KIAA1217: variants seen among roughly 807,000 people sequenced by gnomAD.
KIAA1217 encodes sickle tail protein homolog.
Under a neutral mutation model 163.9 loss-of-function variants are expected in KIAA1217, and 88 were observed. The ratio of observed to expected loss-of-function variants is 0.54; its 90% CI spans 0.45 to 0.64. KIAA1217 has a LOEUF of 0.64. KIAA1217 is among the 30% of genes least tolerant of loss of function. The pLI is 0.00. For missense variants in KIAA1217, 2,372 were observed against 2,475.0 expected, an observed-to-expected ratio of 0.96 and a Z score of 0.88; for synonymous variants, 903 against 923.1, an observed-to-expected ratio of 0.98 and a Z score of 0.39.
intron 1 of KIAA1217, among the ~76,000 whole-genome samples, chr10:23,717,660 A>G (rs1424931552): frequency 2.0e-5 from 3 of 152,194 alleles, no homozygotes; most frequent in Non-Finnish European, 4.4e-5. Flanking sequence ...CAATAAAGAT[A>G]TATTCAATGA....
chr10:23,823,032 G>C (rs1837698918), intron 1 of KIAA1217, among the ~76,000 whole-genome samples: 1 of 152,130 alleles, frequency 6.6e-6, no homozygotes, highest in Non-Finnish European at 1.5e-5. Context: ...ATTTTTTATT[G>C]CTACAGTAAC....
At position 23,724,068 on chromosome 10, in the gene KIAA1217, C is replaced by T. The variant is rs189537453; in HGVS notation, c.-321+28834C>T. Reference sequence around the variant, plus strand: ...CACACTAAAATTACCTAAGAACTCACTCACTCCTAAGAACTCACTCACTTT... The same window carrying T: ...CACACTAAAATTACCTAAGAACTCATTCACTCCTAAGAACTCACTCACTTT... On this transcript the variant is annotated intron_variant, in intron 1 of 18. Coordinates refer to the KIAA1217 transcript ENST00000376462. Among the ~76,000 whole-genome samples the T allele has an allele frequency of 3.5e-3, 527 of 152,224 alleles. 2 individuals carry two copies. The Middle Eastern group carries it at 0.037, about 11-fold the overall frequency.
intron 5 of KIAA1217, among the ~76,000 whole-genome samples, chr10:24,460,068 T>C (rs1343018462): frequency 9.2e-5 from 14 of 152,244 alleles, no homozygotes; most frequent in Non-Finnish European, 7.3e-5. Flanking sequence ...CTGGGGGCTT[T>C]CAGAGCCACT....
chr10:24,400,438 T>A (rs1389467854), intron 3 of KIAA1217, among the ~76,000 whole-genome samples: 1 of 152,162 alleles, frequency 6.6e-6, no homozygotes, highest in Non-Finnish European at 1.5e-5. Context: ...AGGGTCCCCA[T>A]GCTGATGGAA....
intron 1 of KIAA1217, among the ~76,000 whole-genome samples, chr10:23,821,398 G>T (rs998961383): frequency 6.6e-6 from 1 of 152,086 alleles, no homozygotes; most frequent in Non-Finnish European, 1.5e-5. Context: ...CAGCAAACTA[G>T]ACTGGCCAAC....
intron 1 of KIAA1217, among the ~76,000 whole-genome samples, chr10:23,938,624 T>G (rs1408447752): frequency 1.3e-5 from 2 of 152,156 alleles, no homozygotes; most frequent in Non-Finnish European, 2.9e-5. Context: ...TACAGGGCAT[T>G]TACATTGCAT....
chr10:23,804,123 T>G (rs16923886), intron 1 of KIAA1217, among the ~76,000 whole-genome samples: 12,173 of 152,224 alleles, frequency 0.08, 1,566 homozygotes, highest in African/African-American at 0.27. Context: ...TATTGTTCTC[T>G]TAGGCCTCCA....
intron 2 of KIAA1217, among the ~76,000 whole-genome samples, chr10:24,088,256 C>CATACATATATATATAT (rs1554861322): frequency 1.0e-5 from 1 of 95,858 alleles, no homozygotes; most frequent in African/African-American, 3.4e-5. Flanking sequence ...TTTTAATATA[C>CATACATATATATATAT]ATATATATAT....
intron 1 of KIAA1217, among the ~76,000 whole-genome samples, chr10:24,216,396 G>A (rs949196592): frequency 6.6e-6 from 1 of 152,198 alleles, no homozygotes; most frequent in African/African-American, 2.4e-5. Context: ...ATGTGTGTAT[G>A]TAGACAGATG....
chr10:24,262,610 G>A (rs1165040929), intron 2 of KIAA1217, among the ~76,000 whole-genome samples: 4 of 150,196 alleles, frequency 2.7e-5, no homozygotes, highest in Non-Finnish European at 5.9e-5. Context: ...CTGGGTGACA[G>A]CGAGACTCCG....
chr10:24,233,214 G>A (rs1262041435), intron 2 of KIAA1217, among the ~76,000 whole-genome samples: 2 of 152,182 alleles, frequency 1.3e-5, no homozygotes, highest in Non-Finnish European at 2.9e-5. Context: ...ATGACCAAAA[G>A]GGGAGCCTCT....
intron 1 of KIAA1217, among the ~76,000 whole-genome samples, chr10:23,923,883 C>T (rs1390309896): frequency 6.6e-6 from 1 of 151,984 alleles, no homozygotes; most frequent in Non-Finnish European, 1.5e-5. Context: ...CTTTTATTTC[C>T]AATGGCAGTG....
At chr10:24,218,498 T>C (rs1472318710) in intron 1 of KIAA1217, among the ~76,000 whole-genome samples, 3 of 152,110 alleles carry the variant, frequency 2.0e-5, no homozygotes, top group African/African-American at 7.2e-5. Context: ...CTTTTTTTTT[T>C]TTTCTTTTGA....
At chr10:23,727,998 T>C (rs925386982) in intron 1 of KIAA1217, among the ~76,000 whole-genome samples, 1 of 152,194 alleles carries the variant, frequency 6.6e-6, no homozygotes, top group African/African-American at 2.4e-5. Context: ...TATGGCTGCA[T>C]AGTACTCCAT....
At chr10:24,184,282 G>A (rs150356720) in intron 2 of KIAA1217, among the ~76,000 whole-genome samples, 1 of 152,246 alleles carries the variant, frequency 6.6e-6, no homozygotes, top group African/African-American at 2.4e-5. Context: ...ATAATAAATG[G>A]GAGGGGTTTT....
intron 1 of KIAA1217, among the ~76,000 whole-genome samples, chr10:23,869,202 TA>T (rs1840345954): frequency 1.3e-5 from 2 of 148,582 alleles, no homozygotes; most frequent in South Asian, 4.3e-4. Context: ...ATCTACCTGT[TA>T]AAAAGTGGTC....
chr10:23,887,138 C>G (rs1224695699), intron 1 of KIAA1217, among the ~76,000 whole-genome samples: 1 of 151,836 alleles, frequency 6.6e-6, no homozygotes, highest in Non-Finnish European at 1.5e-5. Context: ...CATTTAGTTC[C>G]TCTGAAACTC....
chr10:24,538,827 C>T (rs1002939311), intron 17 of KIAA1217, among the ~76,000 whole-genome samples: 4 of 149,762 alleles, frequency 2.7e-5, no homozygotes, highest in African/African-American at 4.9e-5. Flanking sequence ...CTCCGCCTCC[C>T]GGGTTCAAGC....
chr10:24,006,810 G>A (rs1464722396), intron 1 of KIAA1217, among the ~76,000 whole-genome samples: 2 of 152,178 alleles, frequency 1.3e-5, no homozygotes. Context: ...CATAGCCACT[G>A]CAGCTGCACA....
Sources: allele counts gnomAD v4.1 joint callset (sites outside exome capture counted in the v4.1 genomes callset), GRCh38; gene constraint gnomAD v4.1.1; transcripts MANE v1.5; gene names NCBI Gene and HGNC (gene_info 2026-07-23, HGNC 2026-07-21).